SYCP2: variants seen among roughly 807,000 people sequenced by gnomAD.
SYCP2 encodes synaptonemal complex protein 2.
SYCP2 carries 55 observed loss-of-function variants against 211.3 expected under a neutral mutation model. That is an observed-to-expected ratio of 0.26 (90% CI 0.21 to 0.33). The LOEUF (loss-of-function observed/expected upper bound fraction) is 0.33, where lower values mean the gene tolerates loss of function less well. SYCP2 is among the 10% of genes least tolerant of loss of function. The probability of loss-of-function intolerance (pLI) is 1.00; values close to 1 mark genes in which losing one functional copy is unlikely to be tolerated. For synonymous variants in SYCP2, 570 were observed against 555.2 expected (o/e 1.03, Z -0.37); for missense variants, 1,731 against 1,752.0 (o/e 0.99, Z 0.21).
chr20:59,927,205 A>G (rs1424676635), intron 2 of SYCP2, among the ~76,000 whole-genome samples: 1 of 152,148 alleles, frequency 6.6e-6, no homozygotes, highest in Admixed American at 6.5e-5. Context: ...GCACAAAAAA[A>G]GGATTCTGGA....
At chr20:59,864,603 A>T (rs959049107) in intron 44 of SYCP2, among the ~76,000 whole-genome samples, 1 of 152,008 alleles carries the variant, frequency 6.6e-6, no homozygotes, top group African/African-American at 2.4e-5. Flanking sequence ...GAAGGCTCTA[A>T]TCTTTTAAAG....
intron 12 of SYCP2, 89 bp from the exon 13 acceptor site, chr20:59,912,507 G>A: frequency 6.0e-6 from 3 of 500,874 alleles, no homozygotes; most frequent in Non-Finnish European, 7.1e-6. Flanking sequence ...AGAATCAAAA[G>A]GAAATCAGGC....
intron 1 of SYCP2, among the ~76,000 whole-genome samples, chr20:59,932,763 A>G (rs554189185): frequency 1.3e-5 from 2 of 152,178 alleles, no homozygotes; most frequent in East Asian, 3.9e-4. Flanking sequence ...CCGCACGTGG[A>G]GCCACGTGTC....
At chr20:59,919,091 G>C (rs2060493423) in intron 7 of SYCP2, 67 bp downstream of exon 7, 1 of 875,354 alleles carries the variant, frequency 1.1e-6, no homozygotes. Context: ...AATGGGAATT[G>C]TAAAATTATA....
At chr20:59,916,173 T>C (rs1293548215) in intron 8 of SYCP2, among the ~76,000 whole-genome samples, 99 of 152,344 alleles carry the variant, frequency 6.5e-4, no homozygotes, top group African/African-American at 2.3e-3. Context: ...TACTTTATTT[T>C]GTTCTTATGA....
chr20:59,927,932 G>A (rs1198502571), intron 2 of SYCP2, among the ~76,000 whole-genome samples: 1 of 152,014 alleles, frequency 6.6e-6, no homozygotes, highest in Admixed American at 6.6e-5. Context: ...CTTTTTTTCT[G>A]GAGTCAATAC....
rs898302276 is a variant in SYCP2 at position 59,910,374 on chromosome 20, ATTTTTT to A, written c.972+1370_972+1375del. Among the ~76,000 whole-genome samples, 139 of 76,226 alleles carry A rather than the reference ATTTTTT, an allele frequency of 1.8e-3. No individual in the cohort carries two copies. In the East Asian group the frequency reaches 0.052, roughly 29 times the overall value. 50.0% of individuals were successfully genotyped at this position (76,226 alleles called of 152,430 possible). A position where few individuals can be genotyped will look rare whatever the true frequency, so the allele number is the denominator to read the frequency against. Reference sequence around the variant, plus strand: ...GTATACTGCTATAGTGTAATTGCTTATTTTTTTTTTTTTTTTTTTTTTTTTTGAGAC... The same window carrying A: ...GTATACTGCTATAGTGTAATTGCTTATTTTTTTTTTTTTTTTTTTTGAGAC... On this transcript the variant is annotated intron_variant, in intron 14 of 44. Transcript: ENST00000357552.
At chr20:59,900,494 T>C (rs868354676) in intron 17 of SYCP2, among the ~76,000 whole-genome samples, 1 of 152,168 alleles carries the variant, frequency 6.6e-6, no homozygotes, top group African/African-American at 2.4e-5. Flanking sequence ...TTGACATTAA[T>C]GGAAGGACAT....
rs775395318 is a variant in SYCP2, at chr20:59,895,448, T to G, written c.1654A>C (p.Asn552His). 2.3e-5 allele frequency: 37 copies of G among 1,602,444 alleles called. No individual in the cohort carries two copies. The Admixed American group carries it at 6.3e-4, about 27-fold the overall frequency. ...CAAGGTAAAGTTACTTTGTCTATAT[T>G]ATCTCTTCTATGTCTTCCTTCTGAT... ...RSSEGRHRRD[N>H]IDKHIKTAKC... The change falls in exon 20 of 45, where the codon AAT becomes CAT. Residue 552 changes from asparagine (N) to histidine (H), a missense_variant. This residue lies in a region of SYCP2 where 1,387 missense variants were observed against 1,351.3 expected (regional missense o/e 1.03). Coordinates refer to ENST00000357552, the MANE Select transcript of SYCP2 (RefSeq NM_014258.4).
In SYCP2 at chr20:59,900,297, A is replaced by T. The variant is rs753708896; in HGVS notation, c.1258-13T>A. The T allele has an allele frequency of 1.0e-4, 157 of 1,572,534 alleles. No homozygotes were observed. The highest frequency in any genetic ancestry group is 1.3e-4 in the Non-Finnish European group (151 of 1,165,614). On this transcript the variant is annotated splice_polypyrimidine_tract_variant and intron_variant, in intron 17 of 44. Coordinates refer to ENST00000357552, the MANE Select transcript of SYCP2 (RefSeq NM_014258.4). ...CTGGCACTAGAATCTGTTGGAGAAT[A>T]TGAAAAAAAAAGTATTTAAAACTGC...
chr20:59,914,047 CT>C lies in SYCP2; in HGVS notation c.778-21del. On this transcript the variant is annotated intron_variant, in intron 11 of 44. Coordinates refer to ENST00000357552, the MANE Select transcript of SYCP2 (RefSeq NM_014258.4). ...GCAATCCTAATTTTAAAGAGAAATA[CT>C]TTTAAAAATCATAATAATTTTTAAA... The C allele has an allele frequency of 6.3e-7, 1 of 1,579,792 alleles. No individual in the cohort carries two copies. The highest frequency in any genetic ancestry group is 8.6e-7 in the Non-Finnish European group (1 of 1,161,316).
At chr20:59,922,591 C>T (rs2060562218) in intron 2 of SYCP2, 132 bp from the exon 3 acceptor site, 1 of 447,098 alleles carries the variant, frequency 2.2e-6, no homozygotes, top group Non-Finnish European at 3.9e-6. Context: ...CACTAAACAC[C>T]TGTTTATTAA....
Position 59,867,671 on chromosome 20 carries a change from A to G in SYCP2, c.4125+40T>C, listed in dbSNP as rs879079909. Reference sequence around the variant, plus strand: ...CTAGTAGAAAGTGTGGCATATTATTATATTATTGGGTATAAATCATAATTT... The same window carrying G: ...CTAGTAGAAAGTGTGGCATATTATTGTATTATTGGGTATAAATCATAATTT... On this transcript the variant is annotated intron_variant, in intron 39 of 44. Transcript: ENST00000357552. 5 of 1,537,954 alleles carry G rather than the reference A, an allele frequency of 3.3e-6. No homozygotes were observed. The South Asian group carries it at 4.6e-5, about 14-fold the overall frequency.
chr20:59,890,976 G>A (rs1471826927), intron 24 of SYCP2, among the ~76,000 whole-genome samples: 1 of 151,864 alleles, frequency 6.6e-6, no homozygotes, highest in Non-Finnish European at 1.5e-5. Flanking sequence ...TATGATTAAA[G>A]AAGAAAACAG....
intron 33 of SYCP2, 48 bp from the exon 34 acceptor site, chr20:59,875,517 C>G: frequency 7.2e-7 from 1 of 1,379,400 alleles, no homozygotes; most frequent in South Asian, 1.3e-5. Flanking sequence ...CAAATATTTA[C>G]ACTTGGACAC....
Position 59,869,918 on chromosome 20 carries a change from A to G in SYCP2, c.3621T>C (p.Leu1207=). The change falls in exon 36 of 45, where the codon CTT becomes CTC. Residue 1207 remains leucine (L), a synonymous_variant. Transcript: ENST00000357552. ...VNRKKISSLV[L]TQETQNSNSY... ...TGTTACTGTTTTGTGTTTCTTGTGT[A>G]AGTACCAGAGAACTTATTTTTTTTC... 6.2e-7 allele frequency: 1 copy of G among 1,606,444 alleles called. No homozygotes were observed. The highest frequency in any genetic ancestry group is 8.5e-7 in the Non-Finnish European group (1 of 1,174,718).
At position 59,868,855 on chromosome 20, in the gene SYCP2, C is replaced by G. The variant is rs774055779; in HGVS notation, c.3812G>C (p.Cys1271Ser). The G allele has an allele frequency of 2.2e-5, 36 of 1,609,538 alleles. No individual in the cohort carries two copies. Among genetic ancestry groups the G allele is most frequent in the Non-Finnish European group, 2.9e-5 (34 of 1,177,596 alleles). The change falls in exon 37 of 45, where the codon TGT becomes TCT. Residue 1271 changes from cysteine to serine, a missense_variant. By Grantham distance (112) the Cys-to-Ser change is moderately radical. Around this residue, in one of 3 missense-constraint regions of SYCP2, gnomAD observed 1,387 missense variants for 1,351.3 expected, o/e 1.03. Coordinates refer to ENST00000357552, the MANE Select transcript of SYCP2 (RefSeq NM_014258.4). ...CAAACCTGATACATGAGTAGCATCA[C>G]AGGGCATGTCAAACCACGTTTTCTC... ...GREKTWFDMP[C>S]DATHVSGPTQ...
intron 18 of SYCP2, among the ~76,000 whole-genome samples, chr20:59,898,040 G>A (rs1474373058): frequency 6.6e-6 from 1 of 152,048 alleles, no homozygotes; most frequent in Admixed American, 6.6e-5. Context: ...AGAAGCAGAG[G>A]TTCTGGGAGG....
chr20:59,883,769 G>C (rs1327211469), intron 26 of SYCP2, among the ~76,000 whole-genome samples: 3 of 151,950 alleles, frequency 2.0e-5, no homozygotes, highest in African/African-American at 7.2e-5. Flanking sequence ...TAAGTCTAGA[G>C]ATATAATGCA....
Sources: gnomAD v4.1 joint callset for allele counts (sites outside exome capture counted in the v4.1 genomes callset) on GRCh38, gnomAD v4.1.1 for gene constraint, gnomAD v4.1.1 regional missense constraint, MANE v1.5 for transcripts, NCBI Gene and HGNC (gene_info 2026-07-23, HGNC 2026-07-21) for gene names.